Variants in HERC2 observed in about 807,000 individuals in gnomAD.
The protein encoded by HERC2 is E3 ubiquitin-protein ligase HERC2.
HERC2 carries 102 observed loss-of-function variants against 537.7 expected under a neutral mutation model. The ratio of observed to expected loss-of-function variants is 0.19; its 90% CI spans 0.16 to 0.22. The LOEUF (loss-of-function observed/expected upper bound fraction) is 0.22. Ranked by LOEUF, HERC2 falls within the 10% of genes least tolerant of loss-of-function variation. HERC2 has a pLI of 1.00. For synonymous variants in HERC2, 2,224 were observed against 2,466.2 expected (o/e 0.90, Z 2.91); for missense variants, 4,236 against 6,198.2 (o/e 0.68, Z 10.63).
At chr15:28,183,194 C>G (rs943184547) in intron 56 of HERC2, among the ~76,000 whole-genome samples, 7 of 152,080 alleles carry the variant, frequency 4.6e-5, no homozygotes. Context: ...CTGCCCTCAA[C>G]AGGTTAGGAG....
rs376640979 is a variant in HERC2, at chr15:28,221,063, T to C, written c.5653-419A>G. Among the ~76,000 whole-genome samples the C allele has an allele frequency of 7.4e-4, 110 of 148,946 alleles. 1 individual carries two copies. In the East Asian group the frequency reaches 0.021, roughly 28 times the overall value. On this transcript the variant is annotated intron_variant, in intron 36 of 92. Transcript: ENST00000261609. ...GACCTGCCACACAGATGTCGCCATATGCCACCCTGTCTGTCAGGGGCTGTC... is the reference window on the plus strand; with the variant it reads ...GACCTGCCACACAGATGTCGCCATACGCCACCCTGTCTGTCAGGGGCTGTC...
intron 57 of HERC2, among the ~76,000 whole-genome samples, chr15:28,180,936 T>A (rs1037224051): frequency 2.0e-5 from 3 of 152,164 alleles, no homozygotes; most frequent in Non-Finnish European, 2.9e-5. Flanking sequence ...GACTTGAGCA[T>A]CCACAGATCT....
chr15:28,266,083 C>A, intron 12 of HERC2, 109 bp from the exon 13 acceptor site: 2 of 1,128,848 alleles, frequency 1.8e-6, no homozygotes, highest in East Asian at 2.6e-5. Context: ...TAGCATCAGG[C>A]CAGTTTCACC....
chr15:28,281,041 C>CGA lies in HERC2; in HGVS notation c.323-756_323-755dup, dbSNP rs1305018592. 5.3e-5 allele frequency among the ~76,000 whole-genome samples: 8 copies of CGA among 152,012 alleles called. No homozygotes were observed. In the East Asian group the frequency reaches 1.5e-3, roughly 29 times the overall value. ...TACAAAACCAAATTCAATATAAAAACGATGTCTTGATAAAATTACCCAGCA... is the reference window on the plus strand; with the variant it reads ...TACAAAACCAAATTCAATATAAAAACGAGATGTCTTGATAAAATTACCCAGCA... On this transcript the variant is annotated intron_variant, in intron 4 of 92. Coordinates refer to ENST00000261609, the MANE Select transcript of HERC2 (RefSeq NM_004667.6).
intron 2 of HERC2, among the ~76,000 whole-genome samples, chr15:28,301,308 G>C (rs2076617001): frequency 6.6e-6 from 1 of 151,876 alleles, no homozygotes; most frequent in Non-Finnish European, 1.5e-5. Context: ...CCAGCTACTT[G>C]GGAGGCTGAG....
intron 56 of HERC2, among the ~76,000 whole-genome samples, chr15:28,184,202 A>C (rs1896084446): frequency 6.6e-6 from 1 of 152,110 alleles, no homozygotes; most frequent in Non-Finnish European, 1.5e-5. Context: ...AAATATATAT[A>C]TATTTTCCAT....
intron 55 of HERC2, among the ~76,000 whole-genome samples, chr15:28,188,273 T>C (rs1233596367): frequency 6.6e-6 from 1 of 152,200 alleles, no homozygotes; most frequent in Non-Finnish European, 1.5e-5. Flanking sequence ...CTGGGCACGG[T>C]GGCTCACGCC....
chr15:28,126,584 C>A (rs911631726), intron 83 of HERC2, among the ~76,000 whole-genome samples: 2 of 152,158 alleles, frequency 1.3e-5, no homozygotes, highest in African/African-American at 4.8e-5. Flanking sequence ...TTTGCCACAA[C>A]CTGGATGGGA....
In HERC2 at chr15:28,190,630, C is replaced by G. The variant is rs1341726516; in HGVS notation, c.8649+335G>C. ...TCACATATATGGTCAGGAAAACCAC[C>G]AGAAACTGAGATATTTAATGAAAAC... is the stretch of plus-strand genomic sequence containing the variant. On this transcript the variant is annotated intron_variant, in intron 55 of 92. Coordinates refer to ENST00000261609, the MANE Select transcript of HERC2 (RefSeq NM_004667.6). The G allele has an allele frequency of 1.4e-5, 4 of 287,424 alleles. No individual in the cohort carries two copies. The East Asian group carries it at 2.1e-4, about 15-fold the overall frequency. The allele number at this position is 287,424 out of a possible 1,614,324, so 17.8% of individuals were successfully genotyped here.
intron 83 of HERC2, among the ~76,000 whole-genome samples, chr15:28,129,840 G>A (rs564418458): frequency 4.8e-5 from 7 of 145,910 alleles, no homozygotes; most frequent in Admixed American, 2.9e-4. Context: ...GCAATGGCAC[G>A]ATCTTGGCTC....
rs1028437464 is a variant in HERC2 at position 28,111,343 on chromosome 15, C to T, written c.*420G>A. 1.0e-4 allele frequency: 17 copies of T among 169,410 alleles called. No individual in the cohort carries two copies. The highest frequency in any genetic ancestry group is 1.6e-4 in the Non-Finnish European group (13 of 80,048). 10.5% of individuals were successfully genotyped at this position (169,410 alleles called of 1,614,324 possible). A position where few individuals can be genotyped will look rare whatever the true frequency, so the allele number is the denominator to read the frequency against. Reference sequence around the variant, plus strand: ...AAAATTAATTGAAATATTTATAATACGATTTGTTACACAGTTATTTCCAAT... The same window carrying T: ...AAAATTAATTGAAATATTTATAATATGATTTGTTACACAGTTATTTCCAAT... On this transcript the variant is annotated 3_prime_UTR_variant, in exon 93 of 93. Coordinates refer to ENST00000261609, the MANE Select transcript of HERC2 (RefSeq NM_004667.6).
chr15:28,219,299 A>C (rs562138233), intron 37 of HERC2, among the ~76,000 whole-genome samples: 1 of 152,162 alleles, frequency 6.6e-6, no homozygotes, highest in Non-Finnish European at 1.5e-5. Context: ...ATGTGTGGCA[A>C]ATGAGGCCAC....
intron 69 of HERC2, among the ~76,000 whole-genome samples, chr15:28,154,580 T>C (rs1490840021): frequency 1.3e-5 from 2 of 152,260 alleles, no homozygotes; most frequent in Non-Finnish European, 2.9e-5. Context: ...AGAGGGGTCA[T>C]GATGGAGCTG....
intron 16 of HERC2, among the ~76,000 whole-genome samples, chr15:28,257,656 G>A (rs1271519653): frequency 1.3e-5 from 2 of 151,968 alleles, no homozygotes; most frequent in East Asian, 3.9e-4. Context: ...ACAAGTAATC[G>A]GCAAGGATCT....
intron 83 of HERC2, among the ~76,000 whole-genome samples, chr15:28,127,964 C>T (rs1042797969): frequency 1.3e-5 from 2 of 152,080 alleles, no homozygotes; most frequent in African/African-American, 4.8e-5. Context: ...AAAGAATGTT[C>T]GCAGTGAAAA....
At chr15:28,211,414 G>C (rs1347688372) in intron 43 of HERC2, among the ~76,000 whole-genome samples, 1 of 151,680 alleles carries the variant, frequency 6.6e-6, no homozygotes. Flanking sequence ...AACACGGTTA[G>C]AACCATGTTA....
chr15:28,217,173 C>A (rs1286323592), intron 38 of HERC2, among the ~76,000 whole-genome samples: 2 of 152,222 alleles, frequency 1.3e-5, no homozygotes, highest in Admixed American at 1.3e-4. Context: ...CACTGACTTA[C>A]ACTTACACTG....
chr15:28,171,078 A>T (rs1894648923), intron 65 of HERC2, among the ~76,000 whole-genome samples: 2 of 152,354 alleles, frequency 1.3e-5, no homozygotes, highest in South Asian at 4.1e-4. Context: ...TTCTTATCAA[A>T]CTAAACATAA....
At position 28,132,745 on chromosome 15, in the gene HERC2, C is replaced by T; in HGVS notation, c.12316G>A (p.Val4106Ile). The change falls in exon 80 of 93, where the codon GTC (valine) becomes ATC (isoleucine). Residue 4106 changes from valine to isoleucine, a missense_variant. By Grantham distance (29) the Val-to-Ile change is conservative. Coordinates refer to ENST00000261609, the MANE Select transcript of HERC2 (RefSeq NM_004667.6). ...GTGTAGAGGTCCCCGGCTGCTGTGACACAGGCGCTGTGGGCTCCGCCAGCA... is the reference window on the plus strand; with the variant it reads ...GTGTAGAGGTCCCCGGCTGCTGTGATACAGGCGCTGTGGGCTCCGCCAGCA... ...VAAGGAHSAC[V>I]TAAGDLYTWG... is the part of the protein sequence containing the mutation. The T allele has an allele frequency of 6.2e-7, 1 of 1,608,952 alleles. No individual in the cohort carries two copies. Among genetic ancestry groups the T allele is most frequent in the Non-Finnish European group, 8.5e-7 (1 of 1,177,896 alleles).
Sources: allele counts gnomAD v4.1 joint callset (sites outside exome capture counted in the v4.1 genomes callset), GRCh38; gene constraint gnomAD v4.1.1; transcripts MANE v1.5; gene names NCBI Gene and HGNC (gene_info 2026-07-23, HGNC 2026-07-21).